The following SEPTIN6 variants were observed in gnomAD, a reference collection of about 807,000 sequenced individuals.
SEPTIN6 encodes septin 6.
Under a neutral mutation model 33.6 loss-of-function variants are expected in SEPTIN6, and 8 were observed. That is an observed-to-expected ratio of 0.24 (90% confidence interval 0.14 to 0.43). SEPTIN6 has a LOEUF of 0.43. Ranked by LOEUF, SEPTIN6 falls within the 20% of genes least tolerant of loss-of-function variation. SEPTIN6 has a pLI of 1.00. For synonymous variants in SEPTIN6, 131 were observed against 140.0 expected, an observed-to-expected ratio of 0.94 and a Z score of 0.45; for missense variants, 250 against 340.8, an observed-to-expected ratio of 0.73 and a Z score of 2.10.
At chrX:119,621,446 G>GGTGTGTGT (rs34517524) in intron 10 of SEPTIN6, among the ~76,000 whole-genome samples, 3,963 of 63,417 alleles carry the variant, frequency 0.062, 204 homozygotes, top group Non-Finnish European at 0.073. Context: ...GCCCAGAGCT[G>GGTGTGTGT]GTGTGTGTGT....
chrX:119,678,257 A>G (rs2054875958), intron 1 of SEPTIN6, among the ~76,000 whole-genome samples: 1 of 108,993 alleles, frequency 9.2e-6, no homozygotes, highest in African/African-American at 3.3e-5. Flanking sequence ...GCGGTGGCTC[A>G]TGCCTGTAAT....
At chrX:119,654,583 C>T (rs763418930) in intron 3 of SEPTIN6, among the ~76,000 whole-genome samples, 1 of 111,877 alleles carries the variant, frequency 8.9e-6, no homozygotes, top group African/African-American at 3.2e-5. Flanking sequence ...AAAGATCCCC[C>T]TAGTAGAGAA....
rs1165700485 is a variant in SEPTIN6 at position 119,618,787 on chromosome X, C to T, written c.*1306G>A. On this transcript the variant is annotated 3_prime_UTR_variant, in exon 11 of 11. Transcript: ENST00000394610. ...CTATTCAGTACACAGCCATGGATTA[C>T]TGCAAAGGAAGGGCAGAGAGACGGC... is the stretch of plus-strand genomic sequence containing the variant. 1.7e-6 allele frequency: 2 copies of T among 1,208,689 alleles called. No homozygotes were observed. Among genetic ancestry groups the T allele is most frequent in the Non-Finnish European group, 2.2e-6 (2 of 894,483 alleles).
intron 5 of SEPTIN6, among the ~76,000 whole-genome samples, chrX:119,643,593 C>T (rs2054193167): frequency 9.0e-6 from 1 of 111,413 alleles, no homozygotes; most frequent in Non-Finnish European, 1.9e-5. Flanking sequence ...TCCTTTGCAG[C>T]TGGCGTCAGT....
chrX:119,663,747 A>C, intron 2 of SEPTIN6, 70 bp from the exon 3 acceptor site: 4 of 855,376 alleles, frequency 4.7e-6, no homozygotes, highest in Middle Eastern at 2.9e-4. Flanking sequence ...ATCATGTTTC[A>C]TATACACATT....
Position 119,647,694 on chromosome X carries a change from C to T in SEPTIN6, c.690+2243G>A, listed in dbSNP as rs370091156. Among the ~76,000 whole-genome samples, 13 of 108,974 alleles carry T rather than the reference C, an allele frequency of 1.2e-4. No individual in the cohort carries two copies. In the East Asian group the frequency reaches 3.7e-3, roughly 31 times the overall value. The allele number at this position is 108,974 out of a possible 115,157, so 94.6% of individuals were successfully genotyped here. On this transcript the variant is annotated intron_variant, in intron 5 of 10. Coordinates refer to ENST00000394610, the MANE Select transcript of SEPTIN6 (RefSeq NM_145799.4). ...TTGAGATGGAGTTTTGCTCTGGTTG[C>T]CCAGGCTGGAGTGCAAAGGCGAGAT... is the stretch of plus-strand genomic sequence containing the variant.
At chrX:119,690,507 A>C in intron 1 of SEPTIN6, among the ~76,000 whole-genome samples, 1 of 108,576 alleles carries the variant, frequency 9.2e-6, no homozygotes. Flanking sequence ...GGTGGATCAC[A>C]AGGTCAGGAG....
chrX:119,670,827 A>C (rs1445033008), intron 2 of SEPTIN6, among the ~76,000 whole-genome samples: 1 of 108,290 alleles, frequency 9.2e-6, no homozygotes, highest in East Asian at 2.9e-4. Flanking sequence ...AATCTCAGCT[A>C]CTCAGGAGGC....
At chrX:119,646,660 A>T (rs1323536517) in intron 5 of SEPTIN6, 1 of 131,476 alleles carries the variant, frequency 7.6e-6, no homozygotes, top group Non-Finnish European at 1.7e-5. Context: ...TGCCACAAAA[A>T]TCCCCCATGG....
At chrX:119,639,169 G>A (rs957709426) in intron 6 of SEPTIN6, among the ~76,000 whole-genome samples, 1 of 112,242 alleles carries the variant, frequency 8.9e-6, no homozygotes, top group Non-Finnish European at 1.9e-5. Flanking sequence ...TTGCCAGTGG[G>A]TGTGTGGGGT....
chrX:119,682,047 GA>G lies in SEPTIN6; in HGVS notation c.31-6380del, dbSNP rs372724112. 1.4e-4 allele frequency among the ~76,000 whole-genome samples: 14 copies of G among 102,636 alleles called. No homozygotes were observed. In the East Asian group the frequency reaches 1.5e-3, roughly 11 times the overall value. 89.1% of individuals were successfully genotyped at this position (102,636 alleles called of 115,157 possible). On this transcript the variant is annotated intron_variant, in intron 1 of 10. Transcript: ENST00000394610. ...GAGACCCTGTCTCAAAAAAAAGAAA[GA>G]AAAAAAAAAGAAAATAGAAGTTGTA...
intron 1 of SEPTIN6, among the ~76,000 whole-genome samples, chrX:119,686,288 A>G (rs1176782726): frequency 9.0e-6 from 1 of 111,419 alleles, no homozygotes; most frequent in Non-Finnish European, 1.9e-5. Context: ...GGGGGCCTCC[A>G]ATGTGAAAGG....
intron 1 of SEPTIN6, among the ~76,000 whole-genome samples, chrX:119,683,677 G>A (rs2055003011): frequency 9.0e-6 from 1 of 111,558 alleles, no homozygotes; most frequent in Non-Finnish European, 1.9e-5. Flanking sequence ...TGCTTTTCTG[G>A]GTTTTCCAAA....
chrX:119,645,676 T>C (rs963834208), intron 5 of SEPTIN6, among the ~76,000 whole-genome samples: 2 of 111,392 alleles, frequency 1.8e-5, no homozygotes, highest in Admixed American at 1.9e-4. Flanking sequence ...GGATTACAGG[T>C]ATGAGCCACT....
chrX:119,678,852 G>T (rs1186003218), intron 1 of SEPTIN6, among the ~76,000 whole-genome samples: 1 of 111,657 alleles, frequency 9.0e-6, no homozygotes, highest in Admixed American at 9.5e-5. Flanking sequence ...GCACCATGAA[G>T]CTTCAAGTGC....
intron 9 of SEPTIN6, among the ~76,000 whole-genome samples, chrX:119,626,085 G>A (rs2053852070): frequency 8.9e-6 from 1 of 112,199 alleles, no homozygotes; most frequent in African/African-American, 3.2e-5. Context: ...TCTGCATCTG[G>A]AAGTACAGAA....
At chrX:119,628,342 G>C (rs1445754601) in intron 9 of SEPTIN6, among the ~76,000 whole-genome samples, 1 of 105,946 alleles carries the variant, frequency 9.4e-6, no homozygotes, top group East Asian at 3.0e-4. Flanking sequence ...GCAGTGGTGC[G>C]ATCTCAACTC....
intron 8 of SEPTIN6, 92 bp downstream of exon 8, chrX:119,633,268 C>T (rs2061309340): frequency 2.3e-6 from 2 of 879,015 alleles, no homozygotes; most frequent in African/African-American, 2.0e-5. Context: ...TTTACATTCA[C>T]ACCAACAGTG....
chrX:119,619,837 G>C lies in SEPTIN6; in HGVS notation c.*256C>G, dbSNP rs1309115000. 9.4e-7 allele frequency: 1 copy of C among 1,059,845 alleles called. No homozygotes were observed. Among genetic ancestry groups the C allele is most frequent in the Non-Finnish European group, 1.2e-6 (1 of 821,076 alleles). The allele number at this position is 1,059,845 out of a possible 1,213,427, so 87.3% of individuals were successfully genotyped here. Reference sequence around the variant, plus strand: ...GCTGGGGGTGCTGGGAGGGGGACTGGGATGCAGGATGCATCTGCGAGCCAC... The same window carrying C: ...GCTGGGGGTGCTGGGAGGGGGACTGCGATGCAGGATGCATCTGCGAGCCAC... On this transcript the variant is annotated 3_prime_UTR_variant, in exon 11 of 11. Coordinates refer to ENST00000394610, the MANE Select transcript of SEPTIN6 (RefSeq NM_145799.4).
Sources: gnomAD v4.1 joint callset for allele counts (sites outside exome capture counted in the v4.1 genomes callset) on GRCh38, gnomAD v4.1.1 for gene constraint, MANE v1.5 for transcripts, NCBI Gene and HGNC (gene_info 2026-07-23, HGNC 2026-07-21) for gene names.